SPOCK1: variants seen among roughly 807,000 people sequenced by gnomAD.
SPOCK1 encodes the protein testican-1.
A neutral mutation model predicts 55.3 loss-of-function variants in SPOCK1; 23 were observed. That is an observed-to-expected ratio of 0.42 (90% CI 0.30 to 0.59). SPOCK1 has a LOEUF of 0.59. Among genes scored for constraint, SPOCK1 ranks in the 20% least tolerant of loss-of-function variants. SPOCK1 has a pLI of 0.22. For missense variants in SPOCK1, 499 were observed against 552.5 expected, an observed-to-expected ratio of 0.90 and a Z score of 0.97; for synonymous variants, 226 against 221.0, an observed-to-expected ratio of 1.02 and a Z score of -0.20.
At chr5:137,472,601 G>A (rs767788147) in intron 2 of SPOCK1, among the ~76,000 whole-genome samples, 11 of 152,142 alleles carry the variant, frequency 7.2e-5, no homozygotes, top group South Asian at 2.1e-4. Context: ...AAACAAATTC[G>A]TTTCTGAAAT....
chr5:137,044,978 A>C (rs1334012015), intron 6 of SPOCK1, among the ~76,000 whole-genome samples: 6 of 133,568 alleles, frequency 4.5e-5, no homozygotes, highest in Non-Finnish European at 6.4e-5. Context: ...TGAACTCATC[A>C]TTTTTTATGG....
chr5:137,469,663 T>C (rs1348318242), intron 2 of SPOCK1, among the ~76,000 whole-genome samples: 1 of 152,216 alleles, frequency 6.6e-6, no homozygotes, highest in African/African-American at 2.4e-5. Flanking sequence ...TTATTCTCAT[T>C]GGATTAAAGT....
Position 137,138,833 on chromosome 5 carries a change from C to T in SPOCK1, c.347+1747G>A, listed in dbSNP as rs1039543384. ...AGTGCCTAAGGCCTCAATACCTTTT[C>T]GTTGAATGTCAATGAATGGATGAGC... On this transcript the variant is annotated intron_variant, in intron 4 of 10. Coordinates refer to ENST00000394945, the MANE Select transcript of SPOCK1 (RefSeq NM_004598.4). Among the ~76,000 whole-genome samples the T allele has an allele frequency of 6.6e-5, 10 of 152,012 alleles. No homozygotes were observed. The South Asian group carries it at 1.9e-3, about 29-fold the overall frequency.
intron 3 of SPOCK1, among the ~76,000 whole-genome samples, chr5:137,250,629 T>C (rs545552513): frequency 1.3e-4 from 20 of 152,174 alleles, no homozygotes; most frequent in Admixed American, 5.2e-4. Flanking sequence ...GTGCAGAGGC[T>C]TGGGAAGCTG....
intron 2 of SPOCK1, among the ~76,000 whole-genome samples, chr5:137,472,486 C>T (rs1292231713): frequency 6.6e-6 from 1 of 152,078 alleles, no homozygotes; most frequent in Non-Finnish European, 1.5e-5. Flanking sequence ...AGAAAATAGG[C>T]ACTCACGTGT....
chr5:137,010,823 G>A (rs1751335021), intron 6 of SPOCK1, among the ~76,000 whole-genome samples: 1 of 152,160 alleles, frequency 6.6e-6, no homozygotes, highest in Admixed American at 6.5e-5. Flanking sequence ...TGGGTTTATA[G>A]ATTGTTGCTA....
chr5:137,296,579 CAG>C (rs1229719432), intron 2 of SPOCK1, among the ~76,000 whole-genome samples: 16 of 152,128 alleles, frequency 1.1e-4, no homozygotes, highest in African/African-American at 3.6e-4. Context: ...CCCAGTGAAT[CAG>C]GGGATGAAAA....
intron 6 of SPOCK1, among the ~76,000 whole-genome samples, chr5:137,021,006 T>C (rs892872600): frequency 6.6e-6 from 1 of 152,140 alleles, no homozygotes; most frequent in African/African-American, 2.4e-5. Flanking sequence ...CTTATAAAGT[T>C]GAAAATAAGC....
chr5:137,498,245 G>T lies in SPOCK1; in HGVS notation c.186+128C>A, dbSNP rs1232457948. On this transcript the variant is annotated intron_variant, in intron 2 of 10. Transcript: ENST00000394945. ...GGACCGACCAGCCCCCGCGGGAGAT[G>T]CCCACCTGTCCCCCTCCCAACCACA... The T allele has an allele frequency of 1.2e-5, 11 of 950,336 alleles. No homozygotes were observed. In the Admixed American group the frequency reaches 3.2e-4, roughly 27 times the overall value. The allele number at this position is 950,336 out of a possible 1,614,324, so 58.9% of individuals were successfully genotyped here. A position where few individuals can be genotyped will look rare whatever the true frequency, so the allele number is the denominator to read the frequency against.
intron 2 of SPOCK1, among the ~76,000 whole-genome samples, chr5:137,383,956 G>A (rs1751537736): frequency 6.6e-6 from 1 of 152,166 alleles, no homozygotes; most frequent in African/African-American, 2.4e-5. Flanking sequence ...GGCACACACT[G>A]TTTTCCCTAC....
intron 6 of SPOCK1, among the ~76,000 whole-genome samples, chr5:137,059,290 A>G (rs1219520598): frequency 6.6e-6 from 1 of 152,260 alleles, no homozygotes; most frequent in African/African-American, 2.4e-5. Context: ...ATAGGTCTAC[A>G]TGTACTTACG....
chr5:137,210,588 G>A (rs1755592535), intron 3 of SPOCK1, among the ~76,000 whole-genome samples: 1 of 152,112 alleles, frequency 6.6e-6, no homozygotes, highest in Non-Finnish European at 1.5e-5. Flanking sequence ...TGTAATACAG[G>A]TCAGATACAC....
At chr5:137,190,801 A>C (rs979114532) in intron 3 of SPOCK1, among the ~76,000 whole-genome samples, 1 of 152,122 alleles carries the variant, frequency 6.6e-6, no homozygotes, top group African/African-American at 2.4e-5. Context: ...GCTCCTTTTC[A>C]TCTGCAGCCT....
intron 6 of SPOCK1, among the ~76,000 whole-genome samples, chr5:137,005,017 T>C (rs1010166913): frequency 1.3e-5 from 2 of 152,182 alleles, no homozygotes; most frequent in African/African-American, 4.8e-5. Context: ...ATCTACAAAA[T>C]TATTCTTCTT....
At chr5:137,245,104 C>A (rs1469174415) in intron 3 of SPOCK1, among the ~76,000 whole-genome samples, 1 of 152,180 alleles carries the variant, frequency 6.6e-6, no homozygotes, top group Non-Finnish European at 1.5e-5. Context: ...CCACCCCTAT[C>A]CTCCGCAAAA....
rs1476333427 is a variant in SPOCK1 at position 137,039,287 on chromosome 5, TTTTTTTTTTTTG to T, written c.589+28416_589+28427del. Among the ~76,000 whole-genome samples the T allele has an allele frequency of 3.6e-3, 518 of 143,702 alleles. 3 individuals carry two copies. Among genetic ancestry groups the T allele is most frequent in the Non-Finnish European group, 6.5e-3 (424 of 65,640 alleles). 94.3% of individuals were successfully genotyped at this position (143,702 alleles called of 152,430 possible). ...CTGCCACACTTTTTTTTTTTTTTTT[TTTTTTTTTTTTG>T]TTGTTGCAACGGGGACATTCTGCCT... On this transcript the variant is annotated intron_variant, in intron 6 of 10. Transcript: ENST00000394945.
chr5:137,471,895 C>G (rs180975901), intron 2 of SPOCK1, among the ~76,000 whole-genome samples: 5 of 152,312 alleles, frequency 3.3e-5, no homozygotes, highest in Non-Finnish European at 7.3e-5. Context: ...GAGGTAATCA[C>G]ATGCCCATGG....
At chr5:137,488,547 T>TA (rs1357677797) in intron 2 of SPOCK1, among the ~76,000 whole-genome samples, 1 of 152,206 alleles carries the variant, frequency 6.6e-6, no homozygotes, top group Admixed American at 6.5e-5. Flanking sequence ...AATGCCACTC[T>TA]AACAGACCGC....
chr5:137,111,402 C>G (rs1450064595), intron 5 of SPOCK1, among the ~76,000 whole-genome samples: 1 of 152,032 alleles, frequency 6.6e-6, no homozygotes, highest in African/African-American at 2.4e-5. Flanking sequence ...GTAGCTCTGG[C>G]TGGAGGAGAT....
Sources: allele counts gnomAD v4.1 joint callset (sites outside exome capture counted in the v4.1 genomes callset), GRCh38; gene constraint gnomAD v4.1.1; transcripts MANE v1.5; gene names NCBI Gene and HGNC (gene_info 2026-07-23, HGNC 2026-07-21).